The following COL25A1 variants were observed in gnomAD, a reference collection of about 807,000 sequenced individuals.
COL25A1 encodes collagen type XXV alpha 1 chain, also known as collagen alpha-1(XXV) chain.
Under a neutral mutation model 128.4 loss-of-function variants are expected in COL25A1, and 103 were observed. The observed-to-expected ratio is 0.80, with a 90% CI of 0.68 to 0.94. The LOEUF is 0.94. Ranked by LOEUF, COL25A1 falls within the 40% of genes least tolerant of loss-of-function variation. The pLI, the probability that COL25A1 is intolerant of heterozygous loss-of-function variation, is 0.00. For missense variants in COL25A1, 745 were observed against 840.0 expected, an observed-to-expected ratio of 0.89 and a Z score of 1.40; for synonymous variants, 279 against 277.2, an observed-to-expected ratio of 1.01 and a Z score of -0.06.
intron 8 of COL25A1, among the ~76,000 whole-genome samples, chr4:108,945,518 T>C (rs1354354930): frequency 6.6e-6 from 1 of 152,054 alleles, no homozygotes; most frequent in Non-Finnish European, 1.5e-5. Flanking sequence ...TCTAAACAAA[T>C]AGAATGGACA....
chr4:108,822,755 G>C (rs72895092), intron 35 of COL25A1, among the ~76,000 whole-genome samples: 21,094 of 151,950 alleles, frequency 0.14, 1,489 homozygotes, highest in East Asian at 0.26. Flanking sequence ...CACTCATCTT[G>C]GGCTAAAAGC....
rs376690576 is a variant in COL25A1, at chr4:109,301,969, G to C, written c.51C>G (p.Ser17=). The C allele has an allele frequency of 3.5e-5, 57 of 1,609,242 alleles. No individual in the cohort carries two copies. Among genetic ancestry groups the C allele is most frequent in the Non-Finnish European group, 4.2e-5 (49 of 1,177,850 alleles). Residue 17 remains serine (S), a synonymous_variant, in exon 2 of 38, where the codon TCC becomes TCG. Coordinates refer to ENST00000399132, the MANE Select transcript of COL25A1 (RefSeq NM_198721.4). ...GCTGTTCGGCAGGGGTCGGGTCCTCGGATCTGGGCTCCCGGCCCCCTCCTT... is the reference window on the plus strand; with the variant it reads ...GCTGTTCGGCAGGGGTCGGGTCCTCCGATCTGGGCTCCCGGCCCCCTCCTT... ...AGKGGGREPR[S]EDPTPAEQHC...
chr4:109,080,483 G>A (rs1234733220), intron 3 of COL25A1, among the ~76,000 whole-genome samples: 1 of 152,122 alleles, frequency 6.6e-6, no homozygotes, highest in Non-Finnish European at 1.5e-5. Flanking sequence ...TACCCAAAGT[G>A]TTCTACTGTA....
chr4:109,190,488 C>A (rs572623535), intron 3 of COL25A1, among the ~76,000 whole-genome samples: 1 of 152,284 alleles, frequency 6.6e-6, no homozygotes, highest in African/African-American at 2.4e-5. Context: ...CCTATGCAAT[C>A]CCATTGTGGG....
intron 6 of COL25A1, among the ~76,000 whole-genome samples, chr4:108,985,689 A>C (rs1201843825): frequency 6.6e-6 from 1 of 152,212 alleles, no homozygotes; most frequent in East Asian, 1.9e-4. Flanking sequence ...AGTTTTGGGA[A>C]GATGGGGTTG....
At chr4:109,273,007 A>G (rs1944382766) in intron 3 of COL25A1, among the ~76,000 whole-genome samples, 1 of 152,214 alleles carries the variant, frequency 6.6e-6, no homozygotes, top group Admixed American at 6.5e-5. Flanking sequence ...TAAGCATTAT[A>G]TAACATTTGC....
At chr4:108,898,338 T>C (rs780359464) in intron 15 of COL25A1, among the ~76,000 whole-genome samples, 61 of 152,186 alleles carry the variant, frequency 4.0e-4, no homozygotes, top group Non-Finnish European at 1.3e-4. Flanking sequence ...GATCTTTACA[T>C]AAACTTCTTT....
intron 3 of COL25A1, among the ~76,000 whole-genome samples, chr4:109,069,000 T>C (rs1440269502): frequency 6.6e-6 from 1 of 152,092 alleles, no homozygotes; most frequent in African/African-American, 2.4e-5. Context: ...TGAGGTGAGA[T>C]ATGAATAGCA....
At chr4:108,994,004 G>A (rs904846872) in intron 6 of COL25A1, among the ~76,000 whole-genome samples, 1 of 152,196 alleles carries the variant, frequency 6.6e-6, no homozygotes, top group Admixed American at 6.5e-5. Flanking sequence ...TGGCCAAATA[G>A]GAACAGCTCT....
rs61574026 is a variant in COL25A1 at position 109,250,369 on chromosome 4, T to TACACACACAC, written c.367+50204_367+50213dup. 5.9e-4 allele frequency among the ~76,000 whole-genome samples: 79 copies of TACACACACAC among 134,958 alleles called. 1 individual carries two copies. The highest frequency in any genetic ancestry group is 2.2e-3 in the African/African-American group (73 of 33,314). 88.5% of individuals were successfully genotyped at this position (134,958 alleles called of 152,430 possible). A position where few individuals can be genotyped will look rare whatever the true frequency, so the allele number is the denominator to read the frequency against. On this transcript the variant is annotated intron_variant, in intron 3 of 37. Transcript: ENST00000399132. The stretch of plus-strand genomic sequence containing the variant: ...CCAGAGAAATTGAACAAGTAGGAGA[T>TACACACACAC]ACACACACACACACACACACACACA...
intron 3 of COL25A1, among the ~76,000 whole-genome samples, chr4:109,159,354 G>A (rs751706204): frequency 6.6e-5 from 10 of 152,018 alleles, no homozygotes; most frequent in Non-Finnish European, 1.3e-4. Flanking sequence ...ATAGTGGTGA[G>A]TGTGGTGACA....
chr4:109,166,899 G>C (rs1773123472), intron 3 of COL25A1, among the ~76,000 whole-genome samples: 1 of 152,132 alleles, frequency 6.6e-6, no homozygotes, highest in South Asian at 2.1e-4. Context: ...ATTTCTACGA[G>C]AGTTTCTTTC....
At chr4:108,920,854 T>G (rs1745418985) in intron 11 of COL25A1, 3 of 350,602 alleles carry the variant, frequency 8.6e-6, no homozygotes, top group Non-Finnish European at 1.5e-5. Flanking sequence ...AAAAATAATC[T>G]TTGCTGTTCC....
chr4:109,301,915 G>A lies in COL25A1; in HGVS notation c.105C>T (p.Ala35=). The change falls in exon 2 of 38, where the codon GCC becomes GCT. Residue 35 remains alanine (A), a synonymous_variant. Transcript: ENST00000399132. ...CCACTGACAGGAGGGCCGCCAGGAC[G>A]GCACACGGGGGCATGGTCCGGGCAC... ...QHCARTMPPC[A]VLAALLSVVA... is the part of the protein sequence containing the mutation. 2 of 1,614,124 alleles carry A rather than the reference G, an allele frequency of 1.2e-6. No individual in the cohort carries two copies. Among genetic ancestry groups the A allele is most frequent in the Non-Finnish European group, 8.5e-7 (1 of 1,180,046 alleles).
intron 3 of COL25A1, among the ~76,000 whole-genome samples, chr4:109,130,296 A>C (rs1425043671): frequency 1.3e-5 from 2 of 152,204 alleles, no homozygotes; most frequent in African/African-American, 4.8e-5. Context: ...ACAGACAGTA[A>C]ATGTTCACAC....
At chr4:109,284,718 T>C (rs1414621040) in intron 3 of COL25A1, among the ~76,000 whole-genome samples, 2 of 152,134 alleles carry the variant, frequency 1.3e-5, no homozygotes, top group African/African-American at 4.8e-5. Flanking sequence ...TGGAAATTTA[T>C]TGAAAGAATA....
intron 3 of COL25A1, among the ~76,000 whole-genome samples, chr4:109,088,263 G>A (rs2126004333): frequency 6.6e-6 from 1 of 152,192 alleles, no homozygotes; most frequent in Non-Finnish European, 1.5e-5. Context: ...GTCTGAATCT[G>A]TGAAAAATTA....
chr4:109,173,442 T>C (rs1773781358), intron 3 of COL25A1, among the ~76,000 whole-genome samples: 1 of 152,132 alleles, frequency 6.6e-6, no homozygotes, highest in Non-Finnish European at 1.5e-5. Flanking sequence ...TGATATATTA[T>C]GGGAAATCTT....
chr4:108,929,936 G>T (rs945027884), intron 11 of COL25A1, among the ~76,000 whole-genome samples: 1 of 152,074 alleles, frequency 6.6e-6, no homozygotes, highest in Non-Finnish European at 1.5e-5. Flanking sequence ...GACATCAATT[G>T]GGAGAAAAAC....
Sources: gnomAD v4.1 joint callset for allele counts (sites outside exome capture counted in the v4.1 genomes callset) on GRCh38, gnomAD v4.1.1 for gene constraint, MANE v1.5 for transcripts, NCBI Gene and HGNC (gene_info 2026-07-23, HGNC 2026-07-21) for gene names.